PRDM16: variants seen among roughly 807,000 people sequenced by gnomAD.
PRDM16 encodes the protein PR/SET domain 16.
In PRDM16, 23 loss-of-function variants were observed where a neutral mutation model predicts 110.6. The observed-to-expected ratio is 0.21, with a 90% CI of 0.15 to 0.29. PRDM16 has a LOEUF of 0.29. PRDM16 is among the 10% of genes least tolerant of loss of function. The pLI, the probability that PRDM16 is intolerant of heterozygous loss-of-function variation, is 1.00. For missense variants in PRDM16, 1,615 were observed against 1,794.3 expected, an observed-to-expected ratio of 0.90 and a Z score of 1.81; for synonymous variants, 799 against 781.8, an observed-to-expected ratio of 1.02 and a Z score of -0.37.
chr1:3,433,246 C>T (rs969369520), intron 16 of PRDM16, among the ~76,000 whole-genome samples: 5 of 152,246 alleles, frequency 3.3e-5, no homozygotes, highest in Admixed American at 6.5e-5. Flanking sequence ...GAGCAGGGGG[C>T]GGCCCTCGTC....
intron 1 of PRDM16, among the ~76,000 whole-genome samples, chr1:3,170,999 C>T (rs1323472818): frequency 2.0e-5 from 3 of 152,358 alleles, no homozygotes; most frequent in South Asian, 4.1e-4. Context: ...AGAGCCCACA[C>T]AGCCTCGCTG....
chr1:3,141,074 C>T (rs548958385), intron 1 of PRDM16, among the ~76,000 whole-genome samples: 3 of 152,140 alleles, frequency 2.0e-5, no homozygotes, highest in Non-Finnish European at 4.4e-5. Context: ...TCCCTTGGCT[C>T]CCAGAACTCT....
At chr1:3,078,933 T>C (rs996674774) in intron 1 of PRDM16, among the ~76,000 whole-genome samples, 1 of 152,242 alleles carries the variant, frequency 6.6e-6, no homozygotes, top group Non-Finnish European at 1.5e-5. Flanking sequence ...CAATGGGCTG[T>C]AACAGCCTCG....
chr1:3,181,676 G>GTGCAGTCTTACACACGGTCTTACACA (rs1557509968), intron 1 of PRDM16, among the ~76,000 whole-genome samples: 1 of 34,948 alleles, frequency 2.9e-5, no homozygotes, highest in Non-Finnish European at 5.6e-5. Context: ...AGTCTTACAC[G>GTGCAGTCTTACACACGGTCTTACACA]CGCAGTCTTA....
chr1:3,250,467 C>T (rs76321541), intron 3 of PRDM16, among the ~76,000 whole-genome samples: 1 of 151,860 alleles, frequency 6.6e-6, no homozygotes. Flanking sequence ...TTTGCCGCCG[C>T]CCCCCCACCG....
chr1:3,427,494 A>C (rs1399688640), intron 14 of PRDM16, among the ~76,000 whole-genome samples: 1 of 152,088 alleles, frequency 6.6e-6, no homozygotes, highest in Non-Finnish European at 1.5e-5. Context: ...GGTGAAGAAG[A>C]AGCCCCCTGA....
At chr1:3,240,053 GAGA>G (rs200387761) in intron 2 of PRDM16, among the ~76,000 whole-genome samples, 82 of 81,934 alleles carry the variant, frequency 1.0e-3, no homozygotes, top group South Asian at 2.2e-3. Flanking sequence ...GAGAGGAGAG[GAGA>G]AGAGGAGAGG....
rs140316724 is a variant in PRDM16 at position 3,162,265 on chromosome 1, T to G, written c.38-23860T>G. On this transcript the variant is annotated intron_variant, in intron 1 of 16. Coordinates refer to ENST00000270722, the MANE Select transcript of PRDM16 (RefSeq NM_022114.4). ...GTGCCCGGTAAATAGTGACTCTGCG[T>G]CCCTCCTCCCGAGTCCCGGGACTTT... Among the ~76,000 whole-genome samples, 604 of 152,084 alleles carry G rather than the reference T, an allele frequency of 4.0e-3. 3 individuals are homozygous for G. The highest frequency in any genetic ancestry group is 0.011 in the African/African-American group (449 of 41,464).
At chr1:3,083,893 C>G (rs1014284635) in intron 1 of PRDM16, among the ~76,000 whole-genome samples, 1 of 152,198 alleles carries the variant, frequency 6.6e-6, no homozygotes, top group Admixed American at 6.5e-5. Context: ...TGCCCACACA[C>G]GCATGGAACA....
At chr1:3,230,765 C>T (rs895057333) in intron 2 of PRDM16, among the ~76,000 whole-genome samples, 4 of 152,210 alleles carry the variant, frequency 2.6e-5, no homozygotes, top group South Asian at 2.1e-4. Flanking sequence ...GTGGTGCCTG[C>T]GCACCTTCCT....
intron 1 of PRDM16, among the ~76,000 whole-genome samples, chr1:3,181,730 GGT>G (rs1557510273): frequency 2.8e-4 from 33 of 119,856 alleles, no homozygotes; most frequent in African/African-American, 4.8e-4. Flanking sequence ...TCTTACACAC[GGT>G]CTTACACACG....
chr1:3,279,792 CG>C (rs142222648), intron 3 of PRDM16, among the ~76,000 whole-genome samples: 1,844 of 151,672 alleles, frequency 0.012, 40 homozygotes, highest in African/African-American at 0.042. Context: ...CCAGAGCCTG[CG>C]GGGGGGTGGG....
intron 8 of PRDM16, among the ~76,000 whole-genome samples, chr1:3,409,832 TGG>T (rs1643644426): frequency 1.6e-5 from 1 of 62,732 alleles, no homozygotes; most frequent in Admixed American, 1.5e-4. Flanking sequence ...TGGTTGTGTG[TGG>T]GTGTGTGGTG....
intron 3 of PRDM16, among the ~76,000 whole-genome samples, chr1:3,321,482 GTGTT>G (rs756211488): frequency 2.6e-5 from 4 of 151,814 alleles, no homozygotes; most frequent in Non-Finnish European, 4.4e-5. Flanking sequence ...GTACATATGT[GTGTT>G]TGTGGGCATG....
At chr1:3,090,297 G>A (rs1252451572) in intron 1 of PRDM16, among the ~76,000 whole-genome samples, 1 of 152,224 alleles carries the variant, frequency 6.6e-6, no homozygotes, top group African/African-American at 2.4e-5. Flanking sequence ...CCGCTTTCCC[G>A]AAGCGCTTCC....
At chr1:3,119,236 G>A (rs1441170032) in intron 1 of PRDM16, among the ~76,000 whole-genome samples, 1 of 152,252 alleles carries the variant, frequency 6.6e-6, no homozygotes, top group African/African-American at 2.4e-5. Context: ...CGGCCACAGT[G>A]GGACTTCCTT....
At chr1:3,378,097 G>T (rs1345798604) in intron 3 of PRDM16, among the ~76,000 whole-genome samples, 1 of 152,234 alleles carries the variant, frequency 6.6e-6, no homozygotes, top group Non-Finnish European at 1.5e-5. Context: ...ATCGCCTTTG[G>T]CACAGATCCT....
intron 1 of PRDM16, among the ~76,000 whole-genome samples, chr1:3,102,239 A>G (rs1046725900): frequency 1.3e-5 from 2 of 152,168 alleles, no homozygotes; most frequent in Non-Finnish European, 2.9e-5. Flanking sequence ...AGGCCTCCCC[A>G]GCGGGGCTGG....
At chr1:3,147,177 T>G (rs1643688812) in intron 1 of PRDM16, among the ~76,000 whole-genome samples, 1 of 150,430 alleles carries the variant, frequency 6.6e-6, no homozygotes, top group Non-Finnish European at 1.5e-5. Context: ...CGCACGTGTG[T>G]GCTCGGTGTG....
Sources: gnomAD v4.1 joint callset for allele counts (sites outside exome capture counted in the v4.1 genomes callset) on GRCh38, gnomAD v4.1.1 for gene constraint, MANE v1.5 for transcripts, NCBI Gene and HGNC (gene_info 2026-07-23, HGNC 2026-07-21) for gene names.